Variants in SOX5 observed in about 807,000 individuals in gnomAD.
The protein encoded by SOX5 is SRY-box transcription factor 5.
In SOX5, 9 loss-of-function variants were observed where a neutral mutation model predicts 92.0. The observed-to-expected ratio is 0.10, with a 90% confidence interval of 0.06 to 0.17. The LOEUF (loss-of-function observed/expected upper bound fraction) is 0.17, where lower values mean the gene tolerates loss of function less well. SOX5 is among the 10% of genes least tolerant of loss of function. The pLI is 1.00. For missense variants in SOX5, 642 were observed against 944.5 expected (o/e 0.68, Z 4.20); for synonymous variants, 344 against 336.3 (o/e 1.02, Z -0.25).
At chr12:23,738,144 G>A (rs1409282879) in intron 5 of SOX5, among the ~76,000 whole-genome samples, 1 of 152,280 alleles carries the variant, frequency 6.6e-6, no homozygotes, top group African/African-American at 2.4e-5. Flanking sequence ...GATGAATGTG[G>A]AATGGAGCTC....
intron 4 of SOX5, among the ~76,000 whole-genome samples, chr12:24,136,432 C>T (rs7973572): frequency 0.91 from 138,999 of 152,312 alleles, 63,662 homozygotes; most frequent in Non-Finnish European, 0.95. Flanking sequence ...TGGTGAAAGC[C>T]GGGTTTAAGT....
chr12:24,062,264 T>C (rs1939870909), intron 4 of SOX5, among the ~76,000 whole-genome samples: 1 of 152,232 alleles, frequency 6.6e-6, no homozygotes, highest in Non-Finnish European at 1.5e-5. Flanking sequence ...GCAGAGCTAA[T>C]AAGCATGACT....
chr12:24,343,822 T>C (rs544720020), intron 2 of SOX5, among the ~76,000 whole-genome samples: 1 of 152,006 alleles, frequency 6.6e-6, no homozygotes, highest in East Asian at 1.9e-4. Context: ...TGAAGAAAGG[T>C]ATTTGGTGAG....
At chr12:23,923,746 C>T (rs1045933182) in intron 1 of SOX5, among the ~76,000 whole-genome samples, 1 of 152,108 alleles carries the variant, frequency 6.6e-6, no homozygotes, top group African/African-American at 2.4e-5. Flanking sequence ...CTGAGTCACA[C>T]GAGATTCTTG....
intron 2 of SOX5, among the ~76,000 whole-genome samples, chr12:24,286,483 GAGT>G (rs1440438112): frequency 1.3e-5 from 2 of 152,202 alleles, no homozygotes; most frequent in East Asian, 3.8e-4. Context: ...TCATTTGGAA[GAGT>G]AAGACTAGAT....
intron 2 of SOX5, among the ~76,000 whole-genome samples, chr12:23,877,555 CTGGTAAT>C: frequency 6.6e-6 from 1 of 151,972 alleles, no homozygotes; most frequent in Admixed American, 6.6e-5. Flanking sequence ...ATATTACTTC[CTGGTAAT>C]TTATTTAATA....
intron 1 of SOX5, among the ~76,000 whole-genome samples, chr12:24,370,333 C>T (rs1462712595): frequency 5.3e-5 from 8 of 151,934 alleles, no homozygotes; most frequent in Non-Finnish European, 1.2e-4. Context: ...AAAATTTAGC[C>T]GGGCGTGGTG....
intron 1 of SOX5, among the ~76,000 whole-genome samples, chr12:24,482,077 G>T (rs1055443395): frequency 1.3e-5 from 2 of 152,158 alleles, no homozygotes; most frequent in Admixed American, 6.5e-5. Context: ...AGCCAGTAGA[G>T]GGAAATTGTC....
At chr12:23,753,340 A>G (rs2094242808) in intron 4 of SOX5, among the ~76,000 whole-genome samples, 1 of 151,478 alleles carries the variant, frequency 6.6e-6, no homozygotes, top group African/African-American at 2.4e-5. Flanking sequence ...AAAAGGGAAA[A>G]GGGCACACAC....
At chr12:24,170,295 C>T (rs900502610) in intron 4 of SOX5, among the ~76,000 whole-genome samples, 1 of 151,900 alleles carries the variant, frequency 6.6e-6, no homozygotes, top group Admixed American at 6.6e-5. Flanking sequence ...GTAGGGTGGC[C>T]GGTGACATTT....
intron 9 of SOX5, among the ~76,000 whole-genome samples, chr12:23,595,826 G>A (rs1464398124): frequency 6.6e-6 from 1 of 152,176 alleles, no homozygotes; most frequent in East Asian, 1.9e-4. Flanking sequence ...TACAATGCAA[G>A]CTATTCCAGT....
intron 3 of SOX5, among the ~76,000 whole-genome samples, chr12:24,254,718 A>AATATATATATATATATATAT (rs10556060): frequency 1.5e-4 from 22 of 146,690 alleles, no homozygotes; most frequent in South Asian, 8.8e-4. Flanking sequence ...GGGCTGCTCA[A>AATATATATATATATATATAT]ATATATATAT....
intron 2 of SOX5, among the ~76,000 whole-genome samples, chr12:23,853,607 C>A (rs527646199): frequency 6.7e-6 from 1 of 148,326 alleles, no homozygotes; most frequent in East Asian, 2.0e-4. Flanking sequence ...CCTTCAGAAT[C>A]ACACTTGCTA....
chr12:24,161,847 C>T (rs904744581), intron 4 of SOX5, among the ~76,000 whole-genome samples: 8 of 151,978 alleles, frequency 5.3e-5, no homozygotes, highest in African/African-American at 1.9e-4. Context: ...TAACAAAAGC[C>T]CCAAAGTGTG....
intron 8 of SOX5, among the ~76,000 whole-genome samples, chr12:23,637,070 A>G (rs56961427): frequency 6.6e-6 from 1 of 152,234 alleles, no homozygotes; most frequent in Non-Finnish European, 1.5e-5. Context: ...GGCACTTTAC[A>G]TGAGTTAAAA....
intron 1 of SOX5, chr12:23,944,379 T>C (rs890988293): frequency 6.6e-6 from 1 of 152,018 alleles, no homozygotes; most frequent in African/African-American, 2.4e-5. Context: ...ACCCCCCTAT[T>C]GGACAAGCAA....
At chr12:24,022,948 T>C (rs1263654137) in intron 4 of SOX5, among the ~76,000 whole-genome samples, 3 of 151,658 alleles carry the variant, frequency 2.0e-5, no homozygotes, top group East Asian at 3.9e-4. Flanking sequence ...CATGCTTTCC[T>C]CCTTAAAATT....
At chr12:23,648,148 TATA>T (rs1186147812) in intron 7 of SOX5, among the ~76,000 whole-genome samples, 6 of 152,102 alleles carry the variant, frequency 3.9e-5, no homozygotes, top group Admixed American at 6.5e-5. Flanking sequence ...CACCATAACA[TATA>T]ATAATAATCA....
intron 7 of SOX5, 144 bp from the exon 8 acceptor site, chr12:23,641,041 C>T: frequency 1.8e-6 from 1 of 553,326 alleles, no homozygotes; most frequent in Non-Finnish European, 3.1e-6. Flanking sequence ...CAGCCTTTTA[C>T]TAACACTCTT....
Sources: allele counts gnomAD v4.1 joint callset (sites outside exome capture counted in the v4.1 genomes callset), GRCh38; gene constraint gnomAD v4.1.1; transcripts MANE v1.5; gene names NCBI Gene and HGNC (gene_info 2026-07-23, HGNC 2026-07-21).